The following TMEM212 variants were observed in gnomAD, a reference collection of about 807,000 sequenced individuals.
TMEM212 encodes transmembrane protein 212.
In TMEM212, 23 loss-of-function variants were observed where a neutral mutation model predicts 20.5. The observed-to-expected ratio is 1.12, with a 90% CI of 0.81 to 1.59. TMEM212 has a LOEUF of 1.59. Ranked by LOEUF, TMEM212 falls within the 40% of genes most tolerant of loss-of-function variation. The pLI, the probability that TMEM212 is intolerant of heterozygous loss-of-function variation, is 0.00. For missense variants in TMEM212, 211 were observed against 215.0 expected (o/e 0.98, Z 0.12); for synonymous variants, 76 against 81.6 (o/e 0.93, Z 0.37).
intron 2 of TMEM212, among the ~76,000 whole-genome samples, chr3:171,852,398 G>A (rs772661970): frequency 3.9e-5 from 6 of 151,958 alleles, no homozygotes; most frequent in Non-Finnish European, 5.9e-5. Context: ...ACAGGGTTTC[G>A]CCATGTTGGC....
chr3:171,845,834 A>G (rs1465878826), intron 1 of TMEM212, among the ~76,000 whole-genome samples: 2 of 152,172 alleles, frequency 1.3e-5, no homozygotes, highest in African/African-American at 4.8e-5. Context: ...AAAAGAGCCC[A>G]CGTGTAAAAC....
intron 1 of TMEM212, among the ~76,000 whole-genome samples, chr3:171,850,245 A>G (rs1020022659): frequency 3.9e-5 from 6 of 152,154 alleles, no homozygotes; most frequent in African/African-American, 9.7e-5. Flanking sequence ...CTGCCTTTCA[A>G]TTTGCAGGGT....
At chr3:171,844,854 GC>G (rs1207640906) in intron 1 of TMEM212, among the ~76,000 whole-genome samples, 2 of 152,106 alleles carry the variant, frequency 1.3e-5, no homozygotes, top group Admixed American at 6.5e-5. Context: ...TTTATGAATA[GC>G]CCCCTATGTC....
chr3:171,850,322 T>C (rs571988438), intron 1 of TMEM212, among the ~76,000 whole-genome samples: 2 of 152,344 alleles, frequency 1.3e-5, no homozygotes, highest in East Asian at 3.9e-4. Flanking sequence ...TTCAAAGTTT[T>C]ATGTAAACAA....
chr3:171,848,491 G>A (rs1313476511), intron 1 of TMEM212, among the ~76,000 whole-genome samples: 2 of 152,010 alleles, frequency 1.3e-5, no homozygotes, highest in African/African-American at 4.8e-5. Flanking sequence ...TAGCCAAACT[G>A]TGGGAATCTA....
chr3:171,852,486 C>T (rs1349024936), intron 2 of TMEM212, among the ~76,000 whole-genome samples: 1 of 152,216 alleles, frequency 6.6e-6, no homozygotes, highest in Non-Finnish European at 1.5e-5. Context: ...CAGGCATTAG[C>T]TACTGCGCCC....
At chr3:171,849,855 C>T (rs1038746545) in intron 1 of TMEM212, among the ~76,000 whole-genome samples, 1 of 152,086 alleles carries the variant, frequency 6.6e-6, no homozygotes, top group Admixed American at 6.5e-5. Context: ...TCCCTGGAAG[C>T]GCCCAGAAAG....
intron 1 of TMEM212, among the ~76,000 whole-genome samples, chr3:171,844,788 C>A (rs1355358781): frequency 6.6e-6 from 1 of 152,064 alleles, no homozygotes. Flanking sequence ...ACTGAGATAC[C>A]ACCTAAAAAC....
chr3:171,843,570 G>T, intron 1 of TMEM212, 28 bp downstream of exon 1: 1 of 1,496,362 alleles, frequency 6.7e-7, no homozygotes, highest in Non-Finnish European at 8.9e-7. Context: ...TAAATATATT[G>T]AGAAAATAAA....
intron 4 of TMEM212, among the ~76,000 whole-genome samples, chr3:171,857,226 T>TAA (rs138812054): frequency 1.4e-5 from 2 of 147,438 alleles, no homozygotes; most frequent in African/African-American, 2.5e-5. Flanking sequence ...ATGGTTTACA[T>TAA]AAAAAAAAAA....
intron 1 of TMEM212, among the ~76,000 whole-genome samples, chr3:171,851,070 C>T (rs1724967007): frequency 6.6e-6 from 1 of 152,152 alleles, no homozygotes; most frequent in African/African-American, 2.4e-5. Flanking sequence ...ATTTCTCTGT[C>T]AAAAGCTAAC....
chr3:171,850,189 G>C (rs1484595962), intron 1 of TMEM212, among the ~76,000 whole-genome samples: 3 of 152,214 alleles, frequency 2.0e-5, no homozygotes, highest in Non-Finnish European at 2.9e-5. Flanking sequence ...TATCTCCCAT[G>C]TCTGGCGGGG....
chr3:171,851,866 A>G (rs1724984729), intron 1 of TMEM212, 116 bp from the exon 2 acceptor site: 5 of 895,380 alleles, frequency 5.6e-6, no homozygotes, highest in Non-Finnish European at 8.7e-6. Context: ...AAATCCACTG[A>G]GTCATTTTCT....
Position 171,853,757 on chromosome 3 carries a change from C to A in TMEM212, c.450C>A (p.Ala150=), listed in dbSNP as rs1456917237. The change falls in exon 3 of 5, where the codon GCC becomes GCA. Residue 150 remains alanine (A), a synonymous_variant. Transcript: ENST00000334567. The part of the protein sequence containing the change: ...HYEEYHLTLQ[A]LDLCLSFTLL... ...AAGAGTACCACCTGACACTTCAAGC[C>A]CTAGACCTGTGCCTAAGCTTTACCC... is the stretch of plus-strand genomic sequence containing the variant. 6.5e-7 allele frequency: 1 copy of A among 1,537,322 alleles called. No homozygotes were observed. Among genetic ancestry groups the A allele is most frequent in the Non-Finnish European group, 8.7e-7 (1 of 1,146,888 alleles).
At chr3:171,851,198 G>C (rs774804213) in intron 1 of TMEM212, among the ~76,000 whole-genome samples, 19 of 152,150 alleles carry the variant, frequency 1.2e-4, no homozygotes, top group Admixed American at 6.5e-4. Context: ...TGCGGATTAA[G>C]AATAAGCTAT....
chr3:171,848,607 T>TAGAATAGAATAGAATAGAAC (rs1355773701), intron 1 of TMEM212, among the ~76,000 whole-genome samples: 64 of 147,544 alleles, frequency 4.3e-4, no homozygotes, highest in African/African-American at 1.0e-3. Context: ...TAGAATAGAA[T>TAGAATAGAATAGAATAGAAC]AGAACAGAGG....
intron 1 of TMEM212, among the ~76,000 whole-genome samples, chr3:171,849,113 T>C (rs1284701422): frequency 6.6e-6 from 1 of 152,020 alleles, no homozygotes; most frequent in Non-Finnish European, 1.5e-5. Context: ...GACTCCTCAC[T>C]CCCTGCTCCC....
chr3:171,856,627 C>A lies in TMEM212; in HGVS notation c.544-36C>A, dbSNP rs115895230. The A allele has an allele frequency of 1.6e-3, 1,078 of 673,000 alleles. 9 individuals are homozygous for A. The African/African-American group carries it at 0.016, about 10-fold the overall frequency. 41.7% of individuals were successfully genotyped at this position (673,000 alleles called of 1,614,324 possible). On this transcript the variant is annotated intron_variant, in intron 3 of 4. Transcript: ENST00000334567. ...CAGAATCATAGGACTATTTAAGAAG[C>A]CTTATCAAATTTGCTGTCTCTCATA... is the stretch of plus-strand genomic sequence containing the variant.
At chr3:171,853,898 T>C in intron 3 of TMEM212, 48 bp downstream of exon 3, 1 of 1,403,282 alleles carries the variant, frequency 7.1e-7, no homozygotes, top group Non-Finnish European at 9.6e-7. Flanking sequence ...TCTTGTATGC[T>C]AAAATGGAAA....
Sources: allele counts gnomAD v4.1 joint callset (sites outside exome capture counted in the v4.1 genomes callset), GRCh38; gene constraint gnomAD v4.1.1; transcripts MANE v1.5; gene names NCBI Gene and HGNC (gene_info 2026-07-23, HGNC 2026-07-21).